Variants in SIGLEC10 observed in about 807,000 individuals in gnomAD.
SIGLEC10 encodes the protein sialic acid binding Ig like lectin 10, also known as sialic acid-binding Ig-like lectin 10.
In SIGLEC10, 45 loss-of-function variants were observed where a neutral mutation model predicts 68.3. The observed-to-expected ratio is 0.66, with a 90% CI of 0.52 to 0.84. The LOEUF is 0.84. Ranked by LOEUF, SIGLEC10 falls within the 40% of genes least tolerant of loss-of-function variation. The probability of loss-of-function intolerance (pLI) is 0.00; values close to 1 mark genes in which losing one functional copy is unlikely to be tolerated. For missense variants in SIGLEC10, 789 were observed against 883.1 expected, an observed-to-expected ratio of 0.89 and a Z score of 1.35; for synonymous variants, 379 against 370.8, an observed-to-expected ratio of 1.02 and a Z score of -0.26.
chr19:51,414,357 C>T lies in SIGLEC10; in HGVS notation c.1709+65G>A. 2.9e-6 allele frequency: 4 copies of T among 1,394,332 alleles called. No homozygotes were observed. In the South Asian group the frequency reaches 3.6e-5, roughly 12 times the overall value. The allele number at this position is 1,394,332 out of a possible 1,614,324, so 86.4% of individuals were successfully genotyped here. On this transcript the variant is annotated intron_variant, in intron 9 of 10. Coordinates refer to ENST00000339313, the MANE Select transcript of SIGLEC10 (RefSeq NM_033130.5). This position sits in a 1 kb window ranked among gnomAD's most constrained non-coding sequence, Gnocchi z 4.1. ...TTGATCACGACCTTCACTCTTTCGG[C>T]CTGCAACACCTCCCCTCTTCCTGGG...
rs182429114 is a variant in SIGLEC10 at position 51,413,892 on chromosome 19, C to T, written c.1710-69G>A. ...TGTGACAGACTGCCACGTTTACTAC[C>T]TGAGACCGTCACTATGACAGTTACT... On this transcript the variant is annotated intron_variant, in intron 9 of 10. Transcript: ENST00000339313. 1.2e-4 allele frequency: 143 copies of T among 1,191,980 alleles called. No individual in the cohort carries two copies. The African/African-American group carries it at 1.8e-3, about 15-fold the overall frequency. The allele number at this position is 1,191,980 out of a possible 1,614,324, so 73.8% of individuals were successfully genotyped here.
At chr19:51,416,461 A>G in intron 3 of SIGLEC10, 104 bp from the exon 4 acceptor site, 1 of 1,608,782 alleles carries the variant, frequency 6.2e-7, no homozygotes, top group Admixed American at 1.7e-5. Context: ...CGGGAAGACA[A>G]GTGACAACCA....
rs1988271405 is a variant in SIGLEC10, at chr19:51,414,042, G to T, written c.1710-219C>A. On this transcript the variant is annotated intron_variant, in intron 9 of 10. Coordinates refer to ENST00000339313, the MANE Select transcript of SIGLEC10 (RefSeq NM_033130.5). This position sits in a 1 kb window ranked among gnomAD's most constrained non-coding sequence, Gnocchi z 4.1. ...CAGGGGAAGAAGAAGAGGGTTCCCT[G>T]CTACTAGTGAGCCAGGGCAGCTGTC... 6.6e-6 allele frequency among the ~76,000 whole-genome samples: 1 copy of T among 152,188 alleles called. No homozygotes were observed. The highest frequency in any genetic ancestry group is 6.5e-5 in the Admixed American group (1 of 15,288).
rs746332617 is a variant in SIGLEC10 at position 51,417,215 on chromosome 19, G to A, written c.288C>T (p.Pro96=). The change falls in exon 2 of 11, where the codon CCC becomes CCT. Residue 96 remains proline (P), a synonymous_variant. Coordinates refer to ENST00000339313, the MANE Select transcript of SIGLEC10 (RefSeq NM_033130.5). ...TCACCAAGGAGCAGTTCCCCTTGGC[G>A]GGATCCCCAGTGAGCTGGAATCGGC... ...TRGRFQLTGD[P]AKGNCSLVIR... is the part of the protein sequence containing the mutation. 46 of 1,614,224 alleles carry A rather than the reference G, an allele frequency of 2.8e-5. 1 individual carries two copies. The South Asian group carries it at 3.1e-4, about 11-fold the overall frequency.
chr19:51,415,895 C>T lies in SIGLEC10; in HGVS notation c.1024+3G>A. 8 of 1,612,694 alleles carry T rather than the reference C, an allele frequency of 5.0e-6. No homozygotes were observed. The highest frequency in any genetic ancestry group is 5.9e-6 in the Non-Finnish European group (7 of 1,180,012). On this transcript the variant is annotated splice_donor_region_variant and intron_variant, in intron 5 of 10. Coordinates refer to ENST00000339313, the MANE Select transcript of SIGLEC10 (RefSeq NM_033130.5). ...ACTCCAGGCCCCTGCTGGGCACACTCACACTGCACAGAGAGGTCCAGGGCT... is the reference window on the plus strand; with the variant it reads ...ACTCCAGGCCCCTGCTGGGCACACTTACACTGCACAGAGAGGTCCAGGGCT...
Position 51,414,918 on chromosome 19 carries a change from C to T in SIGLEC10, c.1521G>A (p.Leu507=), listed in dbSNP as rs1445905970. The T allele has an allele frequency of 1.2e-6, 2 of 1,614,118 alleles. No homozygotes were observed. Among genetic ancestry groups the T allele is most frequent in the Non-Finnish European group, 1.7e-6 (2 of 1,180,012 alleles). ...CGGAGCTGAGCCCTCCATGGAGGCTCAGGGAGCTGTTGGCCCAGGGCCCGG... is the reference window on the plus strand; with the variant it reads ...CGGAGCTGAGCCCTCCATGGAGGCTTAGGGAGCTGTTGGCCCAGGGCCCGG... The part of the protein sequence containing the change: ...SSAGPWANSS[L]SLHGGLSSGL... The change falls in exon 8 of 11, where the codon CTG becomes CTA. Residue 507 remains leucine (L), a synonymous_variant. Transcript: ENST00000339313. The surrounding 1 kb of genome is among the most constrained non-coding windows in gnomAD (Gnocchi z 4.1).
Position 51,416,474 on chromosome 19 carries a change from G to T in SIGLEC10, c.707-117C>A, listed in dbSNP as rs572510334. On this transcript the variant is annotated intron_variant, in intron 3 of 10. Transcript: ENST00000339313. ...CCCGGGAAGACAAGTGACAACCAGC[G>T]CCAGGGCTCACGTGTGTGGACCAGA... 2.8e-4 allele frequency: 444 copies of T among 1,603,732 alleles called. 3 individuals are homozygous for T. The highest frequency in any genetic ancestry group is 1.0e-3 in the Middle Eastern group (5 of 4,762).
At position 51,414,976 on chromosome 19, in the gene SIGLEC10, C is replaced by T. The variant is rs576940932; in HGVS notation, c.1463G>A (p.Ser488Asn). The change falls in exon 8 of 11, where the codon AGC becomes AAC. Residue 488 changes from serine to asparagine, a missense_variant. Ser to Asn is a conservative substitution (Grantham distance 46). Coordinates refer to ENST00000339313, the MANE Select transcript of SIGLEC10 (RefSeq NM_033130.5). This position sits in a 1 kb window ranked among gnomAD's most constrained non-coding sequence, Gnocchi z 4.1. ...GGGGGTGACCTCGAAGGAGTCCTGG[C>T]TGCTGTTCCCCTCCAGCAGCTCCTC... ...LGEELLEGNS[S>N]QDSFEVTPSS... The T allele has an allele frequency of 6.2e-7, 1 of 1,613,462 alleles. No homozygotes were observed.
chr19:51,414,872 C>T lies in SIGLEC10; in HGVS notation c.1567G>A (p.Ala523Thr). The change falls in exon 8 of 11, where the codon GCC becomes ACC. Residue 523 changes from alanine (A) to threonine (T), a missense_variant. Coordinates refer to ENST00000339313, the MANE Select transcript of SIGLEC10 (RefSeq NM_033130.5). This position sits in a 1 kb window ranked among gnomAD's most constrained non-coding sequence, Gnocchi z 4.1. ...LSSGLRLRCE[A>T]WNVHGAQSGS... ...CTCTGGGCCCCATGGACGTTCCAGG[C>T]CTCACAGCGGAGCCTGAGGCCGGAG... The T allele has an allele frequency of 6.2e-7, 1 of 1,614,136 alleles. No homozygotes were observed. The highest frequency in any genetic ancestry group is 8.5e-7 in the Non-Finnish European group (1 of 1,180,030).
intron 5 of SIGLEC10, 70 bp downstream of exon 5, chr19:51,415,828 G>C: frequency 6.2e-7 from 1 of 1,601,914 alleles, no homozygotes; most frequent in Non-Finnish European, 8.5e-7. Flanking sequence ...TCAGCTCTGG[G>C]ACCCTGAGCC....
rs1987873290 is a variant in SIGLEC10 at position 51,410,030 on chromosome 19, A to G, written c.*1069T>C. On this transcript the variant is annotated 3_prime_UTR_variant, in exon 11 of 11. Transcript: ENST00000339313. ...ATTCAAGACGAGGCGGTAAGGTGAA[A>G]GCAAGTTTATTAAGAAAGTAAAGGA... 1 of 152,230 alleles carries G rather than the reference A, an allele frequency of 6.6e-6. No homozygotes were observed. Among genetic ancestry groups the G allele is most frequent in the Non-Finnish European group, 1.5e-5 (1 of 68,046 alleles). 9.4% of individuals were successfully genotyped at this position (152,230 alleles called of 1,614,324 possible).
In SIGLEC10 at chr19:51,417,407, C is replaced by T. The variant is rs571577019; in HGVS notation, c.96G>A (p.Pro32=). 207 of 1,614,164 alleles carry T rather than the reference C, an allele frequency of 1.3e-4. No homozygotes were observed. Among genetic ancestry groups the T allele is most frequent in the Non-Finnish European group, 1.7e-4 (199 of 1,180,032 alleles). Residue 32 remains proline (P), a synonymous_variant, in exon 2 of 11, where the codon CCG becomes CCA. Transcript: ENST00000339313. ...WIRVQESVMV[P]EGLCISVPCS... is the part of the protein sequence containing the mutation. ...AGGGCACAGAGATGCACAGGCCCTCCGGCACCATCACTGACTCCTGCACTC... is the reference window on the plus strand; with the variant it reads ...AGGGCACAGAGATGCACAGGCCCTCTGGCACCATCACTGACTCCTGCACTC...
chr19:51,416,730 G>A lies in SIGLEC10; in HGVS notation c.642C>T (p.Thr214=), dbSNP rs370940644. 1.2e-6 allele frequency: 2 copies of A among 1,614,106 alleles called. No homozygotes were observed. The highest frequency in any genetic ancestry group is 1.1e-5 in the South Asian group (1 of 91,090). Residue 214 remains threonine (T), a synonymous_variant, in exon 3 of 11, where the codon ACC becomes ACT. Transcript: ENST00000339313. Reference sequence around the variant, plus strand: ...CCTTTCTGGAGAAGTCCACATGGCAGGTGAGGTCGGTGTTGTGGTCCTGGG... The same window carrying A: ...CCTTTCTGGAGAAGTCCACATGGCAAGTGAGGTCGGTGTTGTGGTCCTGGG... ...PRPQDHNTDL[T]CHVDFSRKGV...
In SIGLEC10 at chr19:51,414,565, C is replaced by T. The variant is rs139455386; in HGVS notation, c.1616-50G>A. The T allele has an allele frequency of 5.1e-6, 8 of 1,561,330 alleles. No homozygotes were observed. The highest frequency in any genetic ancestry group is 3.5e-5 in the Admixed American group (2 of 57,706). Reference sequence around the variant, plus strand: ...GCATTTCCCATCCACGCAGGGCTCACGAAGCCCGCTCATCACTCGGCATTA... The same window carrying T: ...GCATTTCCCATCCACGCAGGGCTCATGAAGCCCGCTCATCACTCGGCATTA... On this transcript the variant is annotated intron_variant, in intron 8 of 10. Coordinates refer to ENST00000339313, the MANE Select transcript of SIGLEC10 (RefSeq NM_033130.5). This position sits in a 1 kb window ranked among gnomAD's most constrained non-coding sequence, Gnocchi z 4.1.
rs1236889090 is a variant in SIGLEC10 at position 51,417,389 on chromosome 19, A to G, written c.114T>C (p.Ser38=). 1 of 1,614,206 alleles carries G rather than the reference A, an allele frequency of 6.2e-7. No individual in the cohort carries two copies. Among genetic ancestry groups the G allele is most frequent in the East Asian group, 2.2e-5 (1 of 44,882 alleles). ...GGGGGTAGGAGAAAGAGCAGGGCAC[A>G]GAGATGCACAGGCCCTCCGGCACCA... ...SVMVPEGLCI[S]VPCSFSYPRQ... The change falls in exon 2 of 11, where the codon TCT becomes TCC. Residue 38 remains serine, a synonymous_variant. Transcript: ENST00000339313.
Position 51,416,104 on chromosome 19 carries a change from C to A in SIGLEC10, c.818G>T (p.Arg273Leu), listed in dbSNP as rs760199240. Residue 273 changes from arginine to leucine, a missense_variant, in exon 5 of 11, where the codon CGG becomes CTG. Transcript: ENST00000339313. ...YLEAQKGQFL[R>L]LLCAADSQPP... Reference sequence around the variant, plus strand: ...CTGGCTGTCAGCAGCACAGAGGAGCCGCAGGAACTGGCCTTTTTGGGCTTC... The same window carrying A: ...CTGGCTGTCAGCAGCACAGAGGAGCAGCAGGAACTGGCCTTTTTGGGCTTC... 2 of 1,608,138 alleles carry A rather than the reference C, an allele frequency of 1.2e-6. No homozygotes were observed. Among genetic ancestry groups the A allele is most frequent in the Admixed American group, 1.7e-5 (1 of 58,800 alleles).
Position 51,416,138 on chromosome 19 carries a change from G to T in SIGLEC10, c.784C>A (p.Pro262Thr), listed in dbSNP as rs201940267. 7.2e-4 allele frequency: 1,160 copies of T among 1,609,188 alleles called. 9 individuals are homozygous for T. The highest frequency in any genetic ancestry group is 6.6e-3 in the South Asian group (597 of 90,782). Residue 262 changes from proline (P) to threonine (T), a missense_variant, in exon 5 of 11, where the codon CCA (proline) becomes ACA (threonine). Physicochemically the swap from Pro to Thr is conservative, Grantham distance 38. Transcript: ENST00000339313. ...TGGCCTTTTTGGGCTTCCAGGTATG[G>T]GACATTTCCCTGGGGCTGGGGCTCC... ...ALEPQPQGNV[P>T]YLEAQKGQFL...
Position 51,413,798 on chromosome 19 carries a change from T to C in SIGLEC10, c.1735A>G (p.Thr579Ala), listed in dbSNP as rs1568495565. Residue 579 changes from threonine to alanine, a missense_variant, in exon 10 of 11, where the codon ACT (threonine) becomes GCT (alanine). Physicochemically the swap from Thr to Ala is moderately conservative, Grantham distance 58 (BLOSUM62 0). Transcript: ENST00000339313. ...IIMKILPKRR[T>A]QTETPRPRFS... ...CTGGGCCTCGGGGTTTCTGTCTGAG[T>C]CCGTCTCTTCGGTAGAATCTTCATG... is the stretch of plus-strand genomic sequence containing the variant. 1.2e-6 allele frequency: 2 copies of C among 1,614,074 alleles called. No individual in the cohort carries two copies. Among genetic ancestry groups the C allele is most frequent in the Middle Eastern group, 1.6e-4 (1 of 6,062 alleles).
At chr19:51,411,392 C>CTTCA (rs765857372) in intron 10 of SIGLEC10, 21 bp from the exon 11 acceptor site, 8 of 1,611,342 alleles carry the variant, frequency 5.0e-6, no homozygotes, top group African/African-American at 4.0e-5. Context: ...AACCACCATC[C>CTTCA]TTCATTCATT....
Sources: gnomAD v4.1 joint callset for allele counts (sites outside exome capture counted in the v4.1 genomes callset) on GRCh38, gnomAD v4.1.1 for gene constraint, Gnocchi (gnomAD v3.1) non-coding constraint, MANE v1.5 for transcripts, NCBI Gene and HGNC (gene_info 2026-07-23, HGNC 2026-07-21) for gene names.